Variants in KCTD16 observed in about 807,000 individuals in gnomAD.
KCTD16 encodes BTB/POZ domain-containing protein KCTD16.
In KCTD16, 13 loss-of-function variants were observed where a neutral mutation model predicts 33.2. That is an observed-to-expected ratio of 0.39 (90% CI 0.25 to 0.62). The LOEUF is 0.62. Among genes scored for constraint, KCTD16 ranks in the 20% least tolerant of loss-of-function variants. The pLI, the probability that KCTD16 is intolerant of heterozygous loss-of-function variation, is 0.50. For synonymous variants in KCTD16, 197 were observed against 195.3 expected (o/e 1.01, Z -0.07); for missense variants, 441 against 525.1 (o/e 0.84, Z 1.57).
chr5:144,367,524 A>G (rs1401490116), intron 3 of KCTD16, among the ~76,000 whole-genome samples: 1 of 152,092 alleles, frequency 6.6e-6, no homozygotes, highest in Non-Finnish European at 1.5e-5. Flanking sequence ...TTATCTTTCT[A>G]TGCCTCTCAG....
rs930006627 is a variant in KCTD16 at position 144,234,115 on chromosome 5, G to A, written c.832+26569G>A. On this transcript the variant is annotated intron_variant, in intron 3 of 3. Coordinates refer to ENST00000512467, the MANE Select transcript of KCTD16 (RefSeq NM_020768.4). ...GAAGCGTTTGCATTCCTAATCATCTGATGTCAAACAGGTGCTGTATTAGCA... is the reference window on the plus strand; with the variant it reads ...GAAGCGTTTGCATTCCTAATCATCTAATGTCAAACAGGTGCTGTATTAGCA... 2.6e-5 allele frequency among the ~76,000 whole-genome samples: 4 copies of A among 152,164 alleles called. No individual in the cohort carries two copies. In the East Asian group the frequency reaches 7.7e-4, roughly 29 times the overall value.
At chr5:144,214,042 T>C (rs1753485143) in intron 3 of KCTD16, among the ~76,000 whole-genome samples, 1 of 152,196 alleles carries the variant, frequency 6.6e-6, no homozygotes, top group African/African-American at 2.4e-5. Flanking sequence ...ATTTTTTCAA[T>C]TGTGCTGAAA....
intron 3 of KCTD16, among the ~76,000 whole-genome samples, chr5:144,410,717 C>G (rs1478501198): frequency 2.0e-5 from 3 of 152,132 alleles, no homozygotes; most frequent in African/African-American, 7.2e-5. Context: ...GAATGATAGG[C>G]AATATACTGT....
intron 3 of KCTD16, among the ~76,000 whole-genome samples, chr5:144,447,503 C>G (rs1257634100): frequency 2.0e-5 from 3 of 151,802 alleles, no homozygotes; most frequent in Non-Finnish European, 4.4e-5. Flanking sequence ...ACATGTATAC[C>G]TATGTAACAA....
chr5:144,202,284 CT>C (rs1753060904), intron 2 of KCTD16, among the ~76,000 whole-genome samples: 1 of 152,212 alleles, frequency 6.6e-6, no homozygotes, highest in African/African-American at 2.4e-5. Flanking sequence ...TAGGAATACA[CT>C]TACAGCCTAG....
rs1268005331 is a variant in KCTD16, at chr5:144,479,218, A to G, written c.*5104A>G. On this transcript the variant is annotated 3_prime_UTR_variant, in exon 4 of 4. Transcript: ENST00000512467. ...TGGAATGATTAGTGAATTCAGCTAT[A>G]TTTAACCAATCAAATCCTGCGCCAT... is the stretch of plus-strand genomic sequence containing the variant. 2.0e-5 allele frequency: 3 copies of G among 151,890 alleles called. No individual in the cohort carries two copies. The highest frequency in any genetic ancestry group is 4.8e-5 in the African/African-American group (2 of 41,400). 9.4% of individuals were successfully genotyped at this position (151,890 alleles called of 1,614,324 possible). A position where few individuals can be genotyped will look rare whatever the true frequency, so the allele number is the denominator to read the frequency against.
intron 3 of KCTD16, among the ~76,000 whole-genome samples, chr5:144,230,976 G>C (rs1209683792): frequency 1.3e-5 from 2 of 152,230 alleles, no homozygotes; most frequent in Non-Finnish European, 1.5e-5. Flanking sequence ...CAAGGGCAGA[G>C]AGCAAACAAT....
chr5:144,210,937 C>T (rs1472969582), intron 3 of KCTD16, among the ~76,000 whole-genome samples: 7 of 152,160 alleles, frequency 4.6e-5, no homozygotes, highest in Non-Finnish European at 8.8e-5. Flanking sequence ...GACACTTATT[C>T]TGAAAACATA....
intron 3 of KCTD16, among the ~76,000 whole-genome samples, chr5:144,271,469 TA>T (rs1294549947): frequency 6.6e-6 from 1 of 151,736 alleles, no homozygotes; most frequent in Non-Finnish European, 1.5e-5. Flanking sequence ...ATCAAAACAT[TA>T]AAAAAACTAA....
intron 3 of KCTD16, among the ~76,000 whole-genome samples, chr5:144,460,435 A>G (rs1357261432): frequency 6.6e-6 from 1 of 151,884 alleles, no homozygotes; most frequent in East Asian, 1.9e-4. Flanking sequence ...CCTCATCACT[A>G]CTTGACATTT....
Position 144,279,284 on chromosome 5 carries a change from AT to A in KCTD16, c.832+71747del, listed in dbSNP as rs1004762172. ...ATTTATTCTTTCCTAATCTGTGTGC[AT>A]TTTTTTTTATTTTTTGTACCAATCG... On this transcript the variant is annotated intron_variant, in intron 3 of 3. Coordinates refer to ENST00000512467, the MANE Select transcript of KCTD16 (RefSeq NM_020768.4). 4.0e-5 allele frequency among the ~76,000 whole-genome samples: 6 copies of A among 151,308 alleles called. No individual in the cohort carries two copies. In the South Asian group the frequency reaches 6.3e-4, roughly 16 times the overall value.
At chr5:144,465,515 C>T (rs1194051690) in intron 3 of KCTD16, among the ~76,000 whole-genome samples, 1 of 152,064 alleles carries the variant, frequency 6.6e-6, no homozygotes, top group African/African-American at 2.4e-5. Flanking sequence ...CGTGGCCTCT[C>T]AGGTCTCTTC....
chr5:144,445,081 C>A (rs1470479936), intron 3 of KCTD16, among the ~76,000 whole-genome samples: 1 of 151,274 alleles, frequency 6.6e-6, no homozygotes, highest in African/African-American at 2.4e-5. Flanking sequence ...TTTAGGGACT[C>A]CTATTATATG....
chr5:144,318,718 A>G (rs551143274), intron 3 of KCTD16, among the ~76,000 whole-genome samples: 1 of 152,266 alleles, frequency 6.6e-6, no homozygotes, highest in South Asian at 2.1e-4. Flanking sequence ...GCCCTCTGTG[A>G]CTGCGGAATT....
chr5:144,218,899 A>AT (rs1753646163), intron 3 of KCTD16, among the ~76,000 whole-genome samples: 1 of 152,212 alleles, frequency 6.6e-6, no homozygotes, highest in Non-Finnish European at 1.5e-5. Flanking sequence ...AATAAATGAG[A>AT]TTTTCCCGCA....
intron 3 of KCTD16, among the ~76,000 whole-genome samples, chr5:144,331,923 T>G (rs1752372585): frequency 6.6e-6 from 1 of 152,212 alleles, no homozygotes; most frequent in South Asian, 2.1e-4. Flanking sequence ...GGTTAAATAA[T>G]AATTCTTAAA....
intron 3 of KCTD16, among the ~76,000 whole-genome samples, chr5:144,304,152 C>A (rs1751523350): frequency 6.6e-6 from 1 of 152,070 alleles, no homozygotes; most frequent in South Asian, 2.1e-4. Context: ...ACAAGTAAAT[C>A]ATGTGAGGAT....
chr5:144,174,153 T>C lies in KCTD16; in HGVS notation c.-492-154T>C, dbSNP rs866793548. ...AACAAAAAGGGAAAGGACATCCTAA[T>C]AATGAGTAATATCATTTAGTTAGAC... On this transcript the variant is annotated intron_variant, in intron 1 of 3. Transcript: ENST00000512467. Among the ~76,000 whole-genome samples, 41 of 152,346 alleles carry C rather than the reference T, an allele frequency of 2.7e-4. 1 individual carries two copies. Among genetic ancestry groups the C allele is most frequent in the Middle Eastern group, 6.8e-3 (2 of 294 alleles).
intron 3 of KCTD16, among the ~76,000 whole-genome samples, chr5:144,350,457 T>C (rs1751391523): frequency 6.6e-6 from 1 of 152,204 alleles, no homozygotes; most frequent in Non-Finnish European, 1.5e-5. Flanking sequence ...GTTAATTTTT[T>C]ACAGAAAAGA....
Sources: gnomAD v4.1 joint callset for allele counts (sites outside exome capture counted in the v4.1 genomes callset) on GRCh38, gnomAD v4.1.1 for gene constraint, MANE v1.5 for transcripts, NCBI Gene and HGNC (gene_info 2026-07-23, HGNC 2026-07-21) for gene names.